The following SNRPN variants were observed in gnomAD, a reference collection of about 807,000 sequenced individuals.
The protein encoded by SNRPN is small nuclear ribonucleoprotein polypeptide N, also known as small nuclear ribonucleoprotein-associated protein N.
SNRPN carries 7 observed loss-of-function variants against 25.2 expected under a neutral mutation model. The ratio of observed to expected loss-of-function variants is 0.28; its 90% CI spans 0.16 to 0.52. SNRPN has a LOEUF of 0.52. Ranked by LOEUF, SNRPN falls within the 20% of genes least tolerant of loss-of-function variation. SNRPN has a pLI of 0.96. For synonymous variants in SNRPN, 124 were observed against 110.6 expected (o/e 1.12, Z -0.76); for missense variants, 196 against 322.5 (o/e 0.61, Z 3.00).
intron 3 of SNRPN, 98 bp from the exon 4 acceptor site, chr15:24,974,213 T>A (rs923748610): frequency 1.9e-6 from 1 of 540,334 alleles, no homozygotes; most frequent in Non-Finnish European, 3.3e-6. Context: ...GAAGGATGTT[T>A]TTGAACGTGT....
chr15:24,977,437 G>A (rs565074398), intron 7 of SNRPN, among the ~76,000 whole-genome samples: 3 of 152,204 alleles, frequency 2.0e-5, no homozygotes, highest in Admixed American at 6.5e-5. Context: ...TCAGGAGTTC[G>A]ACACCAGCCC....
intron 3 of SNRPN, among the ~76,000 whole-genome samples, chr15:24,925,874 G>A (rs984429228): frequency 2.0e-5 from 3 of 151,762 alleles, no homozygotes; most frequent in Non-Finnish European, 2.9e-5. Flanking sequence ...CCCGAGTAGC[G>A]GTAGCGCCCG....
intron 1 of SNRPN, among the ~76,000 whole-genome samples, chr15:24,858,810 G>T (rs2053694219): frequency 6.6e-6 from 1 of 151,904 alleles, no homozygotes; most frequent in Admixed American, 6.6e-5. Flanking sequence ...GGTATGATGA[G>T]GCTTCTCTTC....
intron 2 of SNRPN, chr15:24,911,238 T>A (rs1318788117): frequency 4.5e-6 from 2 of 446,622 alleles, no homozygotes; most frequent in Non-Finnish European, 7.8e-6. Context: ...AAGAATTTTT[T>A]AAATAAGTTC....
intron 2 of SNRPN, among the ~76,000 whole-genome samples, chr15:24,910,660 A>C (rs948984220): frequency 1.3e-5 from 2 of 151,868 alleles, no homozygotes; most frequent in Non-Finnish European, 2.9e-5. Context: ...ACACCCGGCT[A>C]ATTTTTGTAT....
chr15:24,960,782 A>G (rs1196185741), intron 1 of SNRPN, among the ~76,000 whole-genome samples: 1 of 152,186 alleles, frequency 6.6e-6, no homozygotes, highest in East Asian at 1.9e-4. Flanking sequence ...ACCAAACTTG[A>G]AAAAATACTT....
chr15:24,890,290 A>C (rs925722999), intron 2 of SNRPN, among the ~76,000 whole-genome samples: 9 of 152,098 alleles, frequency 5.9e-5, no homozygotes, highest in African/African-American at 2.2e-4. Context: ...CAAAGATCTG[A>C]ACAAACAGGT....
chr15:24,839,547 C>A (rs928348502), intron 2 of SNRPN, among the ~76,000 whole-genome samples: 1 of 151,986 alleles, frequency 6.6e-6, no homozygotes, highest in Non-Finnish European at 1.5e-5. Context: ...CAGCAACGGC[C>A]CACACATTGG....
Position 24,962,111 on chromosome 15 carries a change from C to G in SNRPN, c.-390-3C>G. 6.2e-7 allele frequency: 1 copy of G among 1,613,828 alleles called. No individual in the cohort carries two copies. Among genetic ancestry groups the G allele is most frequent in the Non-Finnish European group, 8.5e-7 (1 of 1,179,768 alleles). On this transcript the variant is annotated splice_region_variant and splice_polypyrimidine_tract_variant and intron_variant, in intron 1 of 9. Coordinates refer to ENST00000390687, the MANE Select transcript of SNRPN (RefSeq NM_003097.6). Reference sequence around the variant, plus strand: ...AAACAAATGCCTCTCTTTTCTGTTTCAGGGATCGCTTACACCTGAGACGAA... The same window carrying G: ...AAACAAATGCCTCTCTTTTCTGTTTGAGGGATCGCTTACACCTGAGACGAA...
At chr15:24,927,520 C>CTTTTTTTTTTTTTTTTT (rs2060497188) in intron 3 of SNRPN, among the ~76,000 whole-genome samples, 23 of 73,768 alleles carry the variant, frequency 3.1e-4, no homozygotes, top group East Asian at 1.8e-3. Flanking sequence ...TTTTTTTTTA[C>CTTTTTTTTTTTTTTTTT]TTTTGACCAC....
At chr15:24,841,577 T>C (rs372225791) in intron 2 of SNRPN, among the ~76,000 whole-genome samples, 2 of 152,284 alleles carry the variant, frequency 1.3e-5, no homozygotes, top group African/African-American at 2.4e-5. Flanking sequence ...TCTCCTCTTA[T>C]CATAACAAGG....
At chr15:24,895,490 T>A (rs1305651867) in intron 2 of SNRPN, among the ~76,000 whole-genome samples, 5 of 151,318 alleles carry the variant, frequency 3.3e-5, no homozygotes, top group African/African-American at 1.2e-4. Context: ...CCTCAAACAT[T>A]TAATTTTGGA....
chr15:24,849,135 G>T (rs1388809552), intron 2 of SNRPN: 1 of 152,238 alleles, frequency 6.6e-6, no homozygotes, highest in Non-Finnish European at 1.5e-5. Context: ...GTTTCACCAT[G>T]TTGGCCAGGA....
chr15:24,948,451 A>G (rs2153175711), intron 3 of SNRPN, among the ~76,000 whole-genome samples: 1 of 152,164 alleles, frequency 6.6e-6, no homozygotes, highest in South Asian at 2.1e-4. Flanking sequence ...CAAAGATAGG[A>G]GAGAGTTCCC....
intron 2 of SNRPN, among the ~76,000 whole-genome samples, chr15:24,911,979 G>A (rs992295395): frequency 6.6e-6 from 1 of 152,348 alleles, no homozygotes; most frequent in East Asian, 1.9e-4. Context: ...AGTCATGGCA[G>A]CAGGGTCCCC....
intron 2 of SNRPN, among the ~76,000 whole-genome samples, chr15:24,912,735 G>T (rs954707794): frequency 1.3e-4 from 20 of 152,130 alleles, no homozygotes; most frequent in African/African-American, 4.3e-4. Context: ...AATTTAAAGG[G>T]AGTACTTTCT....
intron 2 of SNRPN, among the ~76,000 whole-genome samples, chr15:24,847,757 G>T (rs1240883422): frequency 6.6e-6 from 1 of 152,156 alleles, no homozygotes; most frequent in East Asian, 1.9e-4. Flanking sequence ...TAACGCAAGG[G>T]TTAAATATCA....
chr15:24,958,344 A>C (rs1371027612), intron 1 of SNRPN, among the ~76,000 whole-genome samples: 1 of 149,156 alleles, frequency 6.7e-6, no homozygotes, highest in Non-Finnish European at 1.5e-5. Flanking sequence ...TGGACAATGA[A>C]GTTTTAAAAA....
At chr15:24,824,279 G>A (rs939839774) in intron 1 of SNRPN, among the ~76,000 whole-genome samples, 3 of 152,112 alleles carry the variant, frequency 2.0e-5, no homozygotes, top group African/African-American at 7.3e-5. Context: ...ATTAATTTGT[G>A]TAGACAGAAC....
Sources: allele counts gnomAD v4.1 joint callset (sites outside exome capture counted in the v4.1 genomes callset), GRCh38; gene constraint gnomAD v4.1.1; transcripts MANE v1.5; gene names NCBI Gene and HGNC (gene_info 2026-07-23, HGNC 2026-07-21).